The following AGBL4 variants were observed in gnomAD, a reference collection of about 807,000 sequenced individuals.
The protein encoded by AGBL4 is cytosolic carboxypeptidase 6.
In AGBL4, 58 loss-of-function variants were observed where a neutral mutation model predicts 66.4. The ratio of observed to expected loss-of-function variants is 0.87; its 90% CI spans 0.71 to 1.09. The LOEUF (loss-of-function observed/expected upper bound fraction) is 1.09, where lower values mean the gene tolerates loss of function less well. Ranked by LOEUF, AGBL4 falls within the 50% of genes least tolerant of loss-of-function variation. AGBL4 has a pLI of 0.00. For synonymous variants in AGBL4, 234 were observed against 222.9 expected, an observed-to-expected ratio of 1.05 and a Z score of -0.44; for missense variants, 579 against 631.0, an observed-to-expected ratio of 0.92 and a Z score of 0.88.
intron 3 of AGBL4, among the ~76,000 whole-genome samples, chr1:49,377,718 A>G (rs1418479630): frequency 6.6e-6 from 1 of 152,090 alleles, no homozygotes; most frequent in African/African-American, 2.4e-5. Flanking sequence ...CCCAAATACT[A>G]AGAAGCAATG....
intron 3 of AGBL4, among the ~76,000 whole-genome samples, chr1:49,435,636 ACTT>A (rs939782758): frequency 6.6e-6 from 1 of 152,180 alleles, no homozygotes; most frequent in Admixed American, 6.5e-5. Flanking sequence ...ACTCTTAAGG[ACTT>A]CTGAAAATAT....
intron 6 of AGBL4, among the ~76,000 whole-genome samples, chr1:48,815,775 C>G (rs1646159020): frequency 6.6e-6 from 1 of 152,072 alleles, no homozygotes; most frequent in Non-Finnish European, 1.5e-5. Flanking sequence ...TCATCTTGTT[C>G]TTCACTGTAT....
chr1:49,665,488 T>A (rs554697170), intron 3 of AGBL4, among the ~76,000 whole-genome samples: 1 of 152,234 alleles, frequency 6.6e-6, no homozygotes, highest in Non-Finnish European at 1.5e-5. Context: ...AGGCTTTATA[T>A]TATCTATAAG....
intron 6 of AGBL4, among the ~76,000 whole-genome samples, chr1:48,703,638 G>C (rs559306745): frequency 2.6e-5 from 4 of 152,164 alleles, no homozygotes; most frequent in African/African-American, 9.6e-5. Context: ...TAACCAAAAA[G>C]ACATAGTTAG....
chr1:49,381,755 C>T (rs1294203455), intron 3 of AGBL4, among the ~76,000 whole-genome samples: 1 of 147,470 alleles, frequency 6.8e-6, no homozygotes, highest in East Asian at 2.0e-4. Flanking sequence ...GACAAAAAAC[C>T]AAACACGGTA....
intron 1 of AGBL4, among the ~76,000 whole-genome samples, chr1:50,007,137 TGTTAA>T (rs1248945670): frequency 1.3e-5 from 2 of 152,198 alleles, no homozygotes; most frequent in South Asian, 4.1e-4. Flanking sequence ...ATGCAATCAG[TGTTAA>T]GTTGTCATTA....
chr1:49,256,360 A>T (rs894359504), intron 3 of AGBL4, among the ~76,000 whole-genome samples: 2 of 152,210 alleles, frequency 1.3e-5, no homozygotes, highest in African/African-American at 4.8e-5. Context: ...ATACAAAGTC[A>T]ATACTTAAAA....
At chr1:49,246,384 T>G (rs1557763562) in intron 3 of AGBL4, among the ~76,000 whole-genome samples, 1 of 151,858 alleles carries the variant, frequency 6.6e-6, no homozygotes, top group East Asian at 1.9e-4. Context: ...AAATATTAAC[T>G]AAGAACAAAA....
chr1:49,455,567 C>T (rs1390989678), intron 3 of AGBL4, among the ~76,000 whole-genome samples: 1 of 151,624 alleles, frequency 6.6e-6, no homozygotes, highest in East Asian at 1.9e-4. Context: ...GTCCAGGTTA[C>T]TATCTTTTCT....
chr1:48,524,893 A>G, the AGBL4 span, among the ~76,000 whole-genome samples: 167 of 149,768 alleles, frequency 1.1e-3, no homozygotes, highest in Admixed American at 3.7e-3. Context: ...CTATTAGCCT[A>G]AAGTCTCACA....
At chr1:49,564,118 T>C in intron 3 of AGBL4, among the ~76,000 whole-genome samples, 1 of 152,238 alleles carries the variant, frequency 6.6e-6, no homozygotes, top group Non-Finnish European at 1.5e-5. Context: ...TAGTATTCCC[T>C]GATGGTAGTT....
chr1:49,319,546 C>T (rs1645096576), intron 3 of AGBL4, among the ~76,000 whole-genome samples: 1 of 152,124 alleles, frequency 6.6e-6, no homozygotes, highest in South Asian at 2.1e-4. Flanking sequence ...GATCAAACTC[C>T]AGCTATTATG....
At chr1:49,385,856 A>G (rs930547269) in intron 3 of AGBL4, among the ~76,000 whole-genome samples, 1 of 152,032 alleles carries the variant, frequency 6.6e-6, no homozygotes, top group Non-Finnish European at 1.5e-5. Context: ...GGGGATGATA[A>G]CTCTACTTAG....
intron 3 of AGBL4, among the ~76,000 whole-genome samples, chr1:49,683,474 T>C (rs1419005936): frequency 6.6e-6 from 1 of 152,144 alleles, no homozygotes; most frequent in Non-Finnish European, 1.5e-5. Flanking sequence ...CTCTATTTCA[T>C]AGAAATTTAA....
At chr1:49,839,219 TC>T (rs1645928011) in intron 2 of AGBL4, among the ~76,000 whole-genome samples, 1 of 151,816 alleles carries the variant, frequency 6.6e-6, no homozygotes, top group African/African-American at 2.4e-5. Context: ...AGTAAGGAGG[TC>T]AGTAATCTTA....
In AGBL4 at chr1:49,153,830, T is replaced by C. The variant is rs148556300; in HGVS notation, c.377+91940A>G. 7.5e-4 allele frequency among the ~76,000 whole-genome samples: 114 copies of C among 152,156 alleles called. 2 individuals are homozygous for C. Among genetic ancestry groups the C allele is most frequent in the African/African-American group, 2.6e-3 (109 of 41,476 alleles). Reference sequence around the variant, plus strand: ...TGTAGATACATTTGGAAGCTTCTGATAGAGTTGGATACAAGCTCAGTTCCT... The same window carrying C: ...TGTAGATACATTTGGAAGCTTCTGACAGAGTTGGATACAAGCTCAGTTCCT... On this transcript the variant is annotated intron_variant, in intron 4 of 13. Coordinates refer to ENST00000371839, the MANE Select transcript of AGBL4 (RefSeq NM_032785.4).
chr1:48,636,140 C>G (rs1645664280), intron 8 of AGBL4, among the ~76,000 whole-genome samples: 1 of 152,036 alleles, frequency 6.6e-6, no homozygotes, highest in Non-Finnish European at 1.5e-5. Flanking sequence ...TAGAACAGTT[C>G]CCAGAAGTAG....
intron 4 of AGBL4, among the ~76,000 whole-genome samples, chr1:49,132,754 G>A (rs1173675958): frequency 6.6e-6 from 1 of 152,196 alleles, no homozygotes; most frequent in African/African-American, 2.4e-5. Context: ...TGCTGGTGAG[G>A]ATGTGGAGAA....
chr1:49,353,775 G>T (rs1045689352), intron 3 of AGBL4, among the ~76,000 whole-genome samples: 1 of 152,138 alleles, frequency 6.6e-6, no homozygotes, highest in African/African-American at 2.4e-5. Context: ...CAGAGAAGGA[G>T]AGAAGAGAAG....
Sources: allele counts gnomAD v4.1 joint callset (sites outside exome capture counted in the v4.1 genomes callset), GRCh38; gene constraint gnomAD v4.1.1; transcripts MANE v1.5; gene names NCBI Gene and HGNC (gene_info 2026-07-23, HGNC 2026-07-21).